The following SOCS6 variants were observed in gnomAD, a reference collection of about 807,000 sequenced individuals.
SOCS6 encodes the protein STAT induced STAT inhibitor-4.
Under a neutral mutation model 27.7 loss-of-function variants are expected in SOCS6, and 5 were observed. The ratio of observed to expected loss-of-function variants is 0.18; its 90% CI spans 0.09 to 0.38. The LOEUF (loss-of-function observed/expected upper bound fraction) is 0.38. SOCS6 is among the 10% of genes least tolerant of loss of function. The pLI is 1.00. For missense variants in SOCS6, 595 were observed against 688.1 expected, an observed-to-expected ratio of 0.86 and a Z score of 1.51; for synonymous variants, 271 against 260.0, an observed-to-expected ratio of 1.04 and a Z score of -0.41.
chr18:70,300,317 C>CA (rs1185566723), intron 1 of SOCS6, among the ~76,000 whole-genome samples: 1 of 152,056 alleles, frequency 6.6e-6, no homozygotes, highest in Non-Finnish European at 1.5e-5. Context: ...TTAGTAGAGA[C>CA]AAAGTTTCAC....
Position 70,324,542 on chromosome 18 carries a change from G to T in SOCS6, c.-126-1G>T. ...ACTCTTTTTATATTTTTATTTTTTAGAAAATGGCTCCAAAGGTTAAATGAA... is the reference window on the plus strand; with the variant it reads ...ACTCTTTTTATATTTTTATTTTTTATAAAATGGCTCCAAAGGTTAAATGAA... On this transcript the variant is annotated splice_acceptor_variant, in intron 1 of 1. Transcript: ENST00000397942. LOFTEE classifies it low-confidence loss of function (5UTR_SPLICE). The T allele has an allele frequency of 4.7e-6, 3 of 635,416 alleles. No homozygotes were observed. The highest frequency in any genetic ancestry group is 7.9e-6 in the Non-Finnish European group (3 of 378,254). The allele number at this position is 635,416 out of a possible 1,614,324, so 39.4% of individuals were successfully genotyped here. A position where few individuals can be genotyped will look rare whatever the true frequency, so the allele number is the denominator to read the frequency against.
At chr18:70,289,592 G>T (rs1416999153) in intron 1 of SOCS6, among the ~76,000 whole-genome samples, 1 of 129,790 alleles carries the variant, frequency 7.7e-6, no homozygotes. Context: ...ACCTCCGCGG[G>T]CTCGGGCTCG....
At chr18:70,324,130 G>A (rs908927537) in intron 1 of SOCS6, among the ~76,000 whole-genome samples, 22 of 152,026 alleles carry the variant, frequency 1.4e-4, no homozygotes, top group African/African-American at 5.1e-4. Context: ...ATGAAACCCC[G>A]TCTCTATTAA....
intron 1 of SOCS6, among the ~76,000 whole-genome samples, chr18:70,308,248 C>T (rs763442394): frequency 5.3e-5 from 8 of 152,116 alleles, no homozygotes; most frequent in Non-Finnish European, 1.2e-4. Flanking sequence ...GACAGTCTTG[C>T]TCTGTCACCC....
intron 1 of SOCS6, among the ~76,000 whole-genome samples, chr18:70,297,666 A>G (rs2062330289): frequency 6.6e-6 from 1 of 152,218 alleles, no homozygotes. Flanking sequence ...AATACAAGTA[A>G]TCTTTTCATT....
chr18:70,304,029 G>A (rs117451974), intron 1 of SOCS6, among the ~76,000 whole-genome samples: 3,882 of 152,044 alleles, frequency 0.026, 90 homozygotes, highest in South Asian at 0.078. Context: ...ATTTAATCAA[G>A]GACTTAAATA....
At chr18:70,307,903 C>G (rs1179699110) in intron 1 of SOCS6, among the ~76,000 whole-genome samples, 1 of 151,906 alleles carries the variant, frequency 6.6e-6, no homozygotes, top group Non-Finnish European at 1.5e-5. Flanking sequence ...TAGTTATTTT[C>G]TAATTTCTTA....
intron 1 of SOCS6, among the ~76,000 whole-genome samples, chr18:70,299,275 C>T (rs993420260): frequency 6.6e-6 from 1 of 152,104 alleles, no homozygotes; most frequent in Admixed American, 6.5e-5. Flanking sequence ...TACTTCTGAC[C>T]GACTGGCTAC....
intron 1 of SOCS6, among the ~76,000 whole-genome samples, chr18:70,319,891 T>A (rs771866931): frequency 6.6e-6 from 1 of 152,194 alleles, no homozygotes; most frequent in Non-Finnish European, 1.5e-5. Context: ...ACACACATGA[T>A]TATTCCATGT....
chr18:70,289,608 G>C (rs1568593847), intron 1 of SOCS6, among the ~76,000 whole-genome samples: 1 of 147,772 alleles, frequency 6.8e-6, no homozygotes, highest in Non-Finnish European at 1.5e-5. Flanking sequence ...GCTCGGGCTC[G>C]GGGTCGGGGC....
rs758971852 is a variant in SOCS6, at chr18:70,324,840, G to C, written c.172G>C (p.Gly58Arg). 1.2e-6 allele frequency: 2 copies of C among 1,614,132 alleles called. No individual in the cohort carries two copies. The highest frequency in any genetic ancestry group is 2.2e-5 in the East Asian group (1 of 44,880). ...AGATATGGCCAGCTGCGATATCAAC[G>C]GTGAAGATGAAAAAGGCGGAAAAAA... ...GKDMASCDIN[G>R]EDEKGGKNRS... Residue 58 changes from glycine (G) to arginine (R), a missense_variant, in exon 2 of 2, where the codon GGT (glycine) becomes CGT (arginine). By Grantham distance (125) the Gly-to-Arg change is moderately radical. Around this residue, in one of 2 missense-constraint regions of SOCS6, gnomAD observed 467 missense variants for 481.1 expected, o/e 0.97. Coordinates refer to ENST00000397942, the MANE Select transcript of SOCS6 (RefSeq NM_004232.4).
chr18:70,314,886 T>C (rs2062405479), intron 1 of SOCS6, among the ~76,000 whole-genome samples: 1 of 151,810 alleles, frequency 6.6e-6, no homozygotes, highest in African/African-American at 2.4e-5. Context: ...TATATATATA[T>C]GTCTATTCCT....
At position 70,325,841 on chromosome 18, in the gene SOCS6, T is replaced by C. The variant is rs994769958; in HGVS notation, c.1173T>C (p.Arg391=). The change falls in exon 2 of 2, where the codon CGT becomes CGC. Residue 391 remains arginine (R), a synonymous_variant. Coordinates refer to ENST00000397942, the MANE Select transcript of SOCS6 (RefSeq NM_004232.4). The surrounding 1 kb of genome is among the most constrained non-coding windows in gnomAD (Gnocchi z 6.3). Reference sequence around the variant, plus strand: ...GATGGTACTGGGGACCAATCACACGTTGGGAGGCAGAAGGGAAGCTAGCAA... The same window carrying C: ...GATGGTACTGGGGACCAATCACACGCTGGGAGGCAGAAGGGAAGCTAGCAA... ...KQGWYWGPIT[R]WEAEGKLANV... The C allele has an allele frequency of 1.2e-6, 2 of 1,614,204 alleles. No individual in the cohort carries two copies. The highest frequency in any genetic ancestry group is 2.2e-5 in the East Asian group (1 of 44,888).
At chr18:70,320,797 G>T (rs1183850049) in intron 1 of SOCS6, among the ~76,000 whole-genome samples, 1 of 152,132 alleles carries the variant, frequency 6.6e-6, no homozygotes, top group Admixed American at 6.5e-5. Context: ...TTGCAGATAA[G>T]AGAGGGCTAC....
chr18:70,294,752 G>A (rs2062316064), intron 1 of SOCS6, among the ~76,000 whole-genome samples: 1 of 152,220 alleles, frequency 6.6e-6, no homozygotes, highest in Non-Finnish European at 1.5e-5. Flanking sequence ...TGCCTGACCT[G>A]GCTGTGGGGT....
chr18:70,313,787 CAGTT>C (rs2062399948), intron 1 of SOCS6, among the ~76,000 whole-genome samples: 1 of 152,198 alleles, frequency 6.6e-6, no homozygotes, highest in African/African-American at 2.4e-5. Flanking sequence ...CATTCTCCTT[CAGTT>C]AGTCTTTTAG....
chr18:70,299,558 G>C (rs2062339163), intron 1 of SOCS6, among the ~76,000 whole-genome samples: 1 of 152,150 alleles, frequency 6.6e-6, no homozygotes, highest in African/African-American at 2.4e-5. Context: ...TCAGGATAGG[G>C]ACGGGGGGTC....
intron 1 of SOCS6, among the ~76,000 whole-genome samples, chr18:70,308,490 G>C (rs549907114): frequency 6.6e-6 from 1 of 152,078 alleles, no homozygotes; most frequent in East Asian, 1.9e-4. Context: ...CCAAAATTCT[G>C]GGATTACAGG....
chr18:70,319,999 C>CT (rs58214178), intron 1 of SOCS6, among the ~76,000 whole-genome samples: 10,452 of 146,692 alleles, frequency 0.071, 1,128 homozygotes, highest in African/African-American at 0.24. Flanking sequence ...TTCAAAGTTT[C>CT]TTTTTTTTTT....
Sources: allele counts gnomAD v4.1 joint callset (sites outside exome capture counted in the v4.1 genomes callset), GRCh38; gene constraint gnomAD v4.1.1; regional missense constraint gnomAD v4.1.1; non-coding constraint Gnocchi (gnomAD v3.1); transcripts MANE v1.5; gene names NCBI Gene and HGNC (gene_info 2026-07-23, HGNC 2026-07-21).